Variants in LRBA observed in about 807,000 individuals in gnomAD.
The protein encoded by LRBA is LPS responsive beige-like anchor protein.
LRBA carries 176 observed loss-of-function variants against 330.0 expected under a neutral mutation model. That is an observed-to-expected ratio of 0.53 (90% CI 0.47 to 0.60). The LOEUF (loss-of-function observed/expected upper bound fraction) is 0.60, where lower values mean the gene tolerates loss of function less well. LRBA is among the 20% of genes least tolerant of loss of function. The probability of loss-of-function intolerance (pLI) is 0.00; values close to 1 mark genes in which losing one functional copy is unlikely to be tolerated. For synonymous variants in LRBA, 1,230 were observed against 1,193.0 expected (o/e 1.03, Z -0.64); for missense variants, 3,259 against 3,444.8 (o/e 0.95, Z 1.35).
At chr4:150,701,031 C>T (rs1403430148) in intron 36 of LRBA, among the ~76,000 whole-genome samples, 5 of 152,204 alleles carry the variant, frequency 3.3e-5, no homozygotes, top group African/African-American at 1.2e-4. Flanking sequence ...GCTGGGATTA[C>T]ACTGTGCCTG....
At chr4:150,687,240 CAA>C (rs1280245769) in intron 36 of LRBA, among the ~76,000 whole-genome samples, 1 of 151,860 alleles carries the variant, frequency 6.6e-6, no homozygotes, top group East Asian at 1.9e-4. Flanking sequence ...AAATATTGTT[CAA>C]AGTCATGTGG....
At position 150,683,603 on chromosome 4, in the gene LRBA, T is replaced by A; in HGVS notation, c.5869A>T (p.Ile1957Phe). 6.2e-7 allele frequency: 1 copy of A among 1,613,976 alleles called. No homozygotes were observed. Among genetic ancestry groups the A allele is most frequent in the Non-Finnish European group, 8.5e-7 (1 of 1,179,900 alleles). The change falls in exon 37 of 57, where the codon ATT becomes TTT. Residue 1957 changes from isoleucine (I) to phenylalanine (F), a missense_variant. Ile to Phe is a conservative substitution (Grantham distance 21). Transcript: ENST00000651943. The part of the protein sequence containing the change: ...HVTATQLIQK[I>F]INILTDKHGA... ...TGCTTGTCTGTGAGAATGTTGATAA[T>A]TTTCTGGATTAGTTGAGTTGCTGTC... is the stretch of plus-strand genomic sequence containing the variant.
At position 150,916,706 on chromosome 4, in the gene LRBA, T is replaced by C; in HGVS notation, c.678A>G (p.Pro226=). 2 of 1,589,388 alleles carry C rather than the reference T, an allele frequency of 1.3e-6. No homozygotes were observed. Among genetic ancestry groups the C allele is most frequent in the Non-Finnish European group, 1.7e-6 (2 of 1,171,896 alleles). The change falls in exon 6 of 57, where the codon CCA becomes CCG. Residue 226 remains proline, a synonymous_variant. Coordinates refer to ENST00000651943, the MANE Select transcript of LRBA (RefSeq NM_001364905.1). ...AIALPPIAKW[P]YQNGFTFHTW... Reference sequence around the variant, plus strand: ...TATGAAATGTAAAACCATTCTGGTATGGCCATTTGGCTATAGGAGGTAATG... The same window carrying C: ...TATGAAATGTAAAACCATTCTGGTACGGCCATTTGGCTATAGGAGGTAATG...
chr4:150,301,046 C>A (rs1348343913), intron 53 of LRBA, among the ~76,000 whole-genome samples: 1 of 151,732 alleles, frequency 6.6e-6, no homozygotes, highest in Non-Finnish European at 1.5e-5. Flanking sequence ...AGATAAATAG[C>A]AAAATGGTAG....
At chr4:150,831,253 C>T (rs1308429272) in intron 29 of LRBA, among the ~76,000 whole-genome samples, 1 of 149,558 alleles carries the variant, frequency 6.7e-6, no homozygotes, top group Non-Finnish European at 1.5e-5. Flanking sequence ...ACACAATCTA[C>T]TTATAGCATG....
chr4:150,620,755 C>T (rs1776214004), intron 37 of LRBA, among the ~76,000 whole-genome samples: 1 of 152,020 alleles, frequency 6.6e-6, no homozygotes, highest in South Asian at 2.1e-4. Flanking sequence ...AGCTAAGCTA[C>T]GAGTACACAA....
At chr4:150,504,009 G>A (rs542273928) in intron 40 of LRBA, among the ~76,000 whole-genome samples, 5 of 152,220 alleles carry the variant, frequency 3.3e-5, no homozygotes, top group Admixed American at 6.5e-5. Context: ...AAGACAAAAC[G>A]AATGACACGA....
intron 5 of LRBA, among the ~76,000 whole-genome samples, 163 bp downstream of exon 5, chr4:150,921,035 C>T (rs1317510100): frequency 6.6e-6 from 1 of 152,158 alleles, no homozygotes; most frequent in Non-Finnish European, 1.5e-5. Flanking sequence ...ACCTCTAAAG[C>T]AATTACAAAA....
At chr4:150,438,421 C>G (rs1465858184) in intron 44 of LRBA, among the ~76,000 whole-genome samples, 1 of 152,066 alleles carries the variant, frequency 6.6e-6, no homozygotes, top group Admixed American at 6.6e-5. Context: ...CACCTTAAAG[C>G]CTACAGTGAG....
At chr4:150,571,655 T>TG (rs1382815714) in intron 40 of LRBA, among the ~76,000 whole-genome samples, 2 of 142,582 alleles carry the variant, frequency 1.4e-5, no homozygotes, top group South Asian at 2.3e-4. Flanking sequence ...AGTTGTTTTT[T>TG]TTTTTTTTTT....
At chr4:150,923,402 T>A (rs1283038714) in intron 4 of LRBA, among the ~76,000 whole-genome samples, 1 of 152,116 alleles carries the variant, frequency 6.6e-6, no homozygotes, top group African/African-American at 2.4e-5. Context: ...ACCCCTGTAC[T>A]CCCCTCTTAT....
intron 37 of LRBA, among the ~76,000 whole-genome samples, chr4:150,641,544 T>C (rs1778678780): frequency 1.3e-5 from 2 of 152,162 alleles, no homozygotes; most frequent in Non-Finnish European, 2.9e-5. Flanking sequence ...ACAGTTAAAA[T>C]AGGAGAATAA....
rs1386237714 is a variant in LRBA, at chr4:151,014,872, A to T, written c.-219-11T>A. ...CAACAACGCCAAACCCTATTGGAAG[A>T]TTAAATATATGTTAAATAGGCTAGG... On this transcript the variant is annotated splice_polypyrimidine_tract_variant and intron_variant, in intron 1 of 56. Coordinates refer to ENST00000651943, the MANE Select transcript of LRBA (RefSeq NM_001364905.1). The T allele has an allele frequency of 5.9e-6, 3 of 506,830 alleles. No individual in the cohort carries two copies. The highest frequency in any genetic ancestry group is 1.1e-5 in the Non-Finnish European group (3 of 285,612). The allele number at this position is 506,830 out of a possible 1,614,324, so 31.4% of individuals were successfully genotyped here. A position where few individuals can be genotyped will look rare whatever the true frequency, so the allele number is the denominator to read the frequency against.
intron 40 of LRBA, among the ~76,000 whole-genome samples, chr4:150,520,963 A>G (rs964410589): frequency 2.6e-5 from 4 of 152,184 alleles, no homozygotes; most frequent in Admixed American, 1.3e-4. Flanking sequence ...AGACCTAATT[A>G]GGTTATTTAT....
chr4:150,396,688 T>C (rs921696063), intron 47 of LRBA, among the ~76,000 whole-genome samples: 1 of 152,132 alleles, frequency 6.6e-6, no homozygotes, highest in South Asian at 2.1e-4. Context: ...ATTTACTAAT[T>C]AGAGATTGAT....
chr4:150,836,913 C>A (rs1337271981), intron 28 of LRBA, among the ~76,000 whole-genome samples: 1 of 152,172 alleles, frequency 6.6e-6, no homozygotes, highest in Non-Finnish European at 1.5e-5. Context: ...ATCTTTCCTG[C>A]TTTCTCTTGT....
intron 37 of LRBA, among the ~76,000 whole-genome samples, chr4:150,624,566 TA>T (rs1181691527): frequency 6.6e-6 from 1 of 152,138 alleles, no homozygotes; most frequent in Non-Finnish European, 1.5e-5. Flanking sequence ...ATTTCTACCA[TA>T]ATCTTGAACA....
At chr4:150,687,899 C>A (rs1783767507) in intron 36 of LRBA, among the ~76,000 whole-genome samples, 1 of 152,040 alleles carries the variant, frequency 6.6e-6, no homozygotes, top group Non-Finnish European at 1.5e-5. Flanking sequence ...ATAGATTCAA[C>A]ACTATCCCCA....
At chr4:150,642,301 C>A (rs1238484828) in intron 37 of LRBA, among the ~76,000 whole-genome samples, 1 of 151,362 alleles carries the variant, frequency 6.6e-6, no homozygotes, top group Non-Finnish European at 1.5e-5. Flanking sequence ...TAGAAAGTTG[C>A]GGGAGAATGG....
Sources: gnomAD v4.1 joint callset for allele counts (sites outside exome capture counted in the v4.1 genomes callset) on GRCh38, gnomAD v4.1.1 for gene constraint, MANE v1.5 for transcripts, NCBI Gene and HGNC (gene_info 2026-07-23, HGNC 2026-07-21) for gene names.